The following SH2D7 variants were observed in gnomAD, a reference collection of about 807,000 sequenced individuals.
The protein encoded by SH2D7 is SH2 domain containing 7.
In SH2D7, 32 loss-of-function variants were observed where a neutral mutation model predicts 40.8. The observed-to-expected ratio is 0.78, with a 90% CI of 0.59 to 1.05. The LOEUF (loss-of-function observed/expected upper bound fraction) is 1.05, where lower values mean the gene tolerates loss of function less well. Ranked by LOEUF, SH2D7 falls within the 50% of genes least tolerant of loss-of-function variation. The pLI is 0.00. For synonymous variants in SH2D7, 195 were observed against 221.5 expected (o/e 0.88, Z 1.06); for missense variants, 559 against 566.6 (o/e 0.99, Z 0.14).
intron 1 of SH2D7, 82 bp from the exon 2 acceptor site, chr15:78,094,030 G>A (rs1426428459): frequency 3.6e-6 from 5 of 1,370,232 alleles, no homozygotes; most frequent in Non-Finnish European, 5.0e-6. Flanking sequence ...TGGCCAGCAG[G>A]GATTCCAAGA....
At chr15:78,094,252 C>A (rs2073957044) in intron 2 of SH2D7, 51 bp downstream of exon 2, 2 of 1,555,418 alleles carry the variant, frequency 1.3e-6, no homozygotes, top group Non-Finnish European at 8.7e-7. Context: ...CATAACCTAG[C>A]CTTGCAGATT....
At chr15:78,098,296 G>A in intron 3 of SH2D7, 88 bp from the exon 4 acceptor site, 2 of 1,502,010 alleles carry the variant, frequency 1.3e-6, no homozygotes, top group Non-Finnish European at 1.8e-6. Flanking sequence ...TGGGAATGTT[G>A]CAGTCTCTTA....
intron 2 of SH2D7, 143 bp from the exon 3 acceptor site, chr15:78,097,786 T>C (rs1487143763): frequency 1.0e-6 from 1 of 991,968 alleles, no homozygotes; most frequent in African/African-American, 1.6e-5. Context: ...CCAAGTGGGG[T>C]ACAGTGGCCC....
At chr15:78,096,652 C>T (rs1201848975) in intron 2 of SH2D7, among the ~76,000 whole-genome samples, 1 of 146,016 alleles carries the variant, frequency 6.8e-6, no homozygotes, top group Non-Finnish European at 1.5e-5. Context: ...ACCACCACGA[C>T]ACCGGCTATT....
intron 5 of SH2D7, 77 bp from the exon 6 acceptor site, chr15:78,103,388 T>C (rs1204208309): frequency 2.0e-6 from 3 of 1,522,586 alleles, no homozygotes; most frequent in African/African-American, 2.8e-5. Context: ...CCAAGGTCAA[T>C]GAGGGGTCCT....
intron 4 of SH2D7, 21 bp downstream of exon 4, chr15:78,098,617 C>T (rs2141872729): frequency 1.2e-6 from 2 of 1,607,818 alleles, no homozygotes; most frequent in South Asian, 1.1e-5. Flanking sequence ...TTATGGGCCA[C>T]CTAGAGTCAG....
chr15:78,093,992 AG>A, intron 1 of SH2D7, 119 bp from the exon 2 acceptor site: 1 of 897,468 alleles, frequency 1.1e-6, no homozygotes, highest in Non-Finnish European at 1.7e-6. Context: ...TCCTCTATAA[AG>A]GGTTGGAGGT....
rs1049440315 is a variant in SH2D7 at position 78,103,712 on chromosome 15, C to T, written c.*197C>T. Reference sequence around the variant, plus strand: ...AAGAGGACCTTGCAGGTGCCTGCAGCTCCTGGCTATGTCCTGCTTTCCTTG... The same window carrying T: ...AAGAGGACCTTGCAGGTGCCTGCAGTTCCTGGCTATGTCCTGCTTTCCTTG... On this transcript the variant is annotated 3_prime_UTR_variant, in exon 6 of 6. Transcript: ENST00000328828. 1.6e-6 allele frequency: 1 copy of T among 606,134 alleles called. No individual in the cohort carries two copies. 37.5% of individuals were successfully genotyped at this position (606,134 alleles called of 1,614,324 possible).
Position 78,101,191 on chromosome 15 carries a change from C to T in SH2D7, c.938C>T (p.Thr313Ile). 6.3e-7 allele frequency: 1 copy of T among 1,590,336 alleles called. No homozygotes were observed. Among genetic ancestry groups the T allele is most frequent in the Non-Finnish European group, 8.5e-7 (1 of 1,170,282 alleles). The change falls in exon 5 of 6, where the codon ACT becomes ATT. Residue 313 changes from threonine to isoleucine, a missense_variant. Transcript: ENST00000328828. ...SPDQGPTESPTSWGCSDAMGS... is the reference protein window; with the variant it reads ...SPDQGPTESPISWGCSDAMGS... ...GACCAGGGTCCCACAGAGTCTCCCA[C>T]TTCCTGGGGATGTTCTGATGCCATG... is the stretch of plus-strand genomic sequence containing the variant.
chr15:78,091,578 G>A (rs982134692), upstream of SH2D7, among the ~76,000 whole-genome samples: 3 of 152,028 alleles, frequency 2.0e-5, no homozygotes, highest in African/African-American at 7.3e-5. Context: ...CCATCCACCC[G>A]GCCTGGATTT....
chr15:78,101,017 G>C lies in SH2D7; in HGVS notation c.764G>C (p.Gly255Ala). Residue 255 changes from glycine to alanine, a missense_variant, in exon 5 of 6, where the codon GGC (glycine) becomes GCC (alanine). Coordinates refer to ENST00000328828, the MANE Select transcript of SH2D7 (RefSeq NM_001101404.2). ...DLRRMNQARL[G>A]LGTEGSGRHG... ...AGGAGGATGAACCAGGCACGGCTAG[G>C]CTTGGGCACAGAGGGGTCCGGCAGG... 2 of 1,613,532 alleles carry C rather than the reference G, an allele frequency of 1.2e-6. No individual in the cohort carries two copies. The highest frequency in any genetic ancestry group is 1.7e-6 in the Non-Finnish European group (2 of 1,179,686).
chr15:78,092,663 C>T lies in SH2D7; in HGVS notation c.79C>T (p.Gln27Ter). 6.3e-7 allele frequency: 1 copy of T among 1,578,356 alleles called. No homozygotes were observed. The highest frequency in any genetic ancestry group is 8.6e-7 in the Non-Finnish European group (1 of 1,162,262). Residue 27 changes from glutamine to a stop codon, truncating the protein, a stop_gained, in exon 1 of 6, where the codon CAG becomes TAG. Transcript: ENST00000328828. LOFTEE classifies it high-confidence loss of function. The stretch of plus-strand genomic sequence containing the variant: ...GGACAGCCAGGCCCTGGCTGAGCTC[C>T]AGGAGCTTGCCCTGAAGTGGTTCAT... ...AGDSQALAELQELALKWFMET... is the reference protein window; with the variant it reads ...AGDSQALAEL
intron 1 of SH2D7, 130 bp downstream of exon 1, chr15:78,092,890 G>C (rs2073948429): frequency 8.2e-7 from 1 of 1,222,664 alleles, no homozygotes; most frequent in South Asian, 1.7e-5. Flanking sequence ...TTGGAGGCGG[G>C]GGGCAGGGGA....
intron 2 of SH2D7, among the ~76,000 whole-genome samples, chr15:78,094,765 G>A (rs1015922408): frequency 2.6e-5 from 4 of 152,180 alleles, no homozygotes; most frequent in Non-Finnish European, 4.4e-5. Flanking sequence ...GGCAGCCTAT[G>A]GAGAGAGGAC....
chr15:78,100,015 G>A (rs7182113), intron 4 of SH2D7, among the ~76,000 whole-genome samples: 21,460 of 152,156 alleles, frequency 0.14, 2,345 homozygotes, highest in African/African-American at 0.3. Flanking sequence ...CCATGACCCT[G>A]CTTCGTTCTT....
intron 5 of SH2D7, among the ~76,000 whole-genome samples, chr15:78,102,048 T>C (rs773899197): frequency 6.6e-6 from 1 of 152,126 alleles, no homozygotes; most frequent in Non-Finnish European, 1.5e-5. Flanking sequence ...GCTTGGGAGT[T>C]TGAGACCAGC....
chr15:78,092,702 C>T lies in SH2D7; in HGVS notation c.118C>T (p.Pro40Ser), dbSNP rs373451570. The T allele has an allele frequency of 2.6e-5, 42 of 1,600,786 alleles. No individual in the cohort carries two copies. Among genetic ancestry groups the T allele is most frequent in the Admixed American group, 8.6e-5 (5 of 58,084 alleles). The change falls in exon 1 of 6, where the codon CCC (proline) becomes TCC (serine). Residue 40 changes from proline to serine, a missense_variant. Transcript: ENST00000328828. ...GAAGTGGTTCATGGAGACACAGGCC[C>T]CCTTCATTCTGCAGAACGGTGCCCT... ...ALKWFMETQAPFILQNGALPP... is the reference protein window; with the variant it reads ...ALKWFMETQASFILQNGALPP...
At chr15:78,092,544 T>C, upstream of SH2D7, 1 of 1,528,306 alleles carries the variant, frequency 6.5e-7, no homozygotes, top group Non-Finnish European at 8.8e-7. Flanking sequence ...TAGAGGCATG[T>C]GCACTGGCTG....
chr15:78,092,036 T>C (rs2073943249), upstream of SH2D7, among the ~76,000 whole-genome samples: 1 of 152,266 alleles, frequency 6.6e-6, no homozygotes, highest in Admixed American at 6.5e-5. Context: ...GTATGTGCCA[T>C]GAGGGCAAAG....
Sources: gnomAD v4.1 joint callset for allele counts (sites outside exome capture counted in the v4.1 genomes callset) on GRCh38, gnomAD v4.1.1 for gene constraint, MANE v1.5 for transcripts, NCBI Gene and HGNC (gene_info 2026-07-23, HGNC 2026-07-21) for gene names.